The following SHISA6 variants were observed in gnomAD, a reference collection of about 807,000 sequenced individuals.
SHISA6 encodes the protein shisa family member 6.
A neutral mutation model predicts 47.9 loss-of-function variants in SHISA6; 22 were observed. The observed-to-expected ratio is 0.46, with a 90% CI of 0.33 to 0.66. SHISA6 has a LOEUF of 0.66. Among genes scored for constraint, SHISA6 ranks in the 30% least tolerant of loss-of-function variants. The pLI is 0.02. For synonymous variants in SHISA6, 388 were observed against 337.8 expected (o/e 1.15, Z -1.63); for missense variants, 680 against 764.6 (o/e 0.89, Z 1.30).
intron 3 of SHISA6, among the ~76,000 whole-genome samples, chr17:11,496,696 G>A (rs897639825): frequency 7.3e-5 from 11 of 150,196 alleles, no homozygotes; most frequent in South Asian, 2.1e-4. Context: ...CCAAGATCGC[G>A]CCACTGCAAT....
chr17:11,310,679 A>G (rs1910293259), intron 2 of SHISA6, among the ~76,000 whole-genome samples: 1 of 152,184 alleles, frequency 6.6e-6, no homozygotes, highest in African/African-American at 2.4e-5. Flanking sequence ...TATGCTTTAA[A>G]AAGATCACCT....
At chr17:11,532,589 G>A (rs1002314549) in intron 3 of SHISA6, among the ~76,000 whole-genome samples, 4 of 152,148 alleles carry the variant, frequency 2.6e-5, no homozygotes, top group East Asian at 1.9e-4. Flanking sequence ...TCCAGTGAGC[G>A]TTTCAGTTTA....
rs115473005 is a variant in SHISA6 at position 11,556,449 on chromosome 17, A to G, written c.1105+557A>G. ...GAGTCTGGGGAGACTCTGGGCATCA[A>G]TGGGTTAAAGATACAAAAATGTCAA... On this transcript the variant is annotated intron_variant, in intron 5 of 5. Transcript: ENST00000441885. Among the ~76,000 whole-genome samples the G allele has an allele frequency of 2.8e-3, 425 of 152,266 alleles. 1 individual carries two copies. The highest frequency in any genetic ancestry group is 9.9e-3 in the African/African-American group (411 of 41,546).
At chr17:11,308,955 C>T (rs1262969001) in intron 2 of SHISA6, among the ~76,000 whole-genome samples, 2 of 152,150 alleles carry the variant, frequency 1.3e-5, no homozygotes, top group African/African-American at 4.8e-5. Flanking sequence ...GAGCACGAAT[C>T]ATCCACGTGG....
intron 2 of SHISA6, among the ~76,000 whole-genome samples, chr17:11,334,456 A>G (rs1567576143): frequency 6.6e-6 from 1 of 152,198 alleles, no homozygotes; most frequent in Non-Finnish European, 1.5e-5. Context: ...GCCATCTCTC[A>G]TGAACTTGGG....
At chr17:11,396,783 C>T (rs1277734515) in intron 3 of SHISA6, among the ~76,000 whole-genome samples, 19 of 152,104 alleles carry the variant, frequency 1.2e-4, no homozygotes, top group Admixed American at 1.2e-3. Flanking sequence ...AGGACAAATA[C>T]CTAATGCATG....
intron 3 of SHISA6, among the ~76,000 whole-genome samples, chr17:11,431,350 A>T (rs2142289905): frequency 6.6e-6 from 1 of 152,172 alleles, no homozygotes; most frequent in African/African-American, 2.4e-5. Flanking sequence ...GCTGCCCTTT[A>T]TGGCTCTGTC....
intron 2 of SHISA6, among the ~76,000 whole-genome samples, chr17:11,370,986 G>T (rs1355734486): frequency 2.0e-5 from 3 of 152,162 alleles, no homozygotes; most frequent in Non-Finnish European, 4.4e-5. Context: ...TCTTTGGGGT[G>T]CCCAGAGTAT....
chr17:11,304,406 G>A (rs909305651), intron 2 of SHISA6, among the ~76,000 whole-genome samples: 4 of 152,142 alleles, frequency 2.6e-5, no homozygotes, highest in African/African-American at 9.7e-5. Flanking sequence ...GTCAAAAGAT[G>A]ACGGCCCCTG....
At chr17:11,244,603 T>A (rs1013465596) in intron 1 of SHISA6, among the ~76,000 whole-genome samples, 1 of 152,044 alleles carries the variant, frequency 6.6e-6, no homozygotes, top group Non-Finnish European at 1.5e-5. Context: ...TAGACTGTCT[T>A]GTTGGGCAAT....
At chr17:11,506,570 C>A (rs1278270443) in intron 3 of SHISA6, among the ~76,000 whole-genome samples, 2 of 152,144 alleles carry the variant, frequency 1.3e-5, no homozygotes, top group African/African-American at 4.8e-5. Context: ...TGTGTGTTGA[C>A]CCACGCTATT....
rs775786451 is a variant in SHISA6, at chr17:11,262,297, G to T, written c.639-1069G>T. Among the ~76,000 whole-genome samples the T allele has an allele frequency of 8.1e-4, 124 of 152,304 alleles. 1 individual carries two copies. Among genetic ancestry groups the T allele is most frequent in the Non-Finnish European group, 1.1e-3 (76 of 68,024 alleles). On this transcript the variant is annotated intron_variant, in intron 1 of 5. Coordinates refer to ENST00000441885, the MANE Select transcript of SHISA6 (RefSeq NM_207386.4). ...TAAGAGGGAAGCCTTGGGGTGGGCA[G>T]GGCCCCACCCATCAGAGACACCCCT...
intron 3 of SHISA6, among the ~76,000 whole-genome samples, chr17:11,406,343 C>T (rs925761220): frequency 1.3e-5 from 2 of 152,230 alleles, no homozygotes; most frequent in Non-Finnish European, 2.9e-5. Flanking sequence ...TTCAAGTCAT[C>T]TGTACCTCTG....
At chr17:11,541,288 C>T (rs1016642327) in intron 3 of SHISA6, among the ~76,000 whole-genome samples, 5 of 152,134 alleles carry the variant, frequency 3.3e-5, no homozygotes, top group African/African-American at 1.2e-4. Context: ...TGAGCCACAT[C>T]CACACAACCC....
chr17:11,264,560 G>T (rs949021293), intron 2 of SHISA6, among the ~76,000 whole-genome samples: 1 of 152,190 alleles, frequency 6.6e-6, no homozygotes, highest in African/African-American at 2.4e-5. Context: ...CCTCTTACTG[G>T]TACTAATCCT....
chr17:11,464,904 T>C lies in SHISA6; in HGVS notation c.895+85395T>C, dbSNP rs1001177811. 4.0e-5 allele frequency among the ~76,000 whole-genome samples: 6 copies of C among 150,528 alleles called. No individual in the cohort carries two copies. In the East Asian group the frequency reaches 9.8e-4, roughly 25 times the overall value. On this transcript the variant is annotated intron_variant, in intron 3 of 5. Coordinates refer to ENST00000441885, the MANE Select transcript of SHISA6 (RefSeq NM_207386.4). ...TTGCAGTGAGCCAAGATCATGCCATTGCACTCCAGCCTGGGTGACAAGAGC... is the reference window on the plus strand; with the variant it reads ...TTGCAGTGAGCCAAGATCATGCCATCGCACTCCAGCCTGGGTGACAAGAGC...
At position 11,422,629 on chromosome 17, in the gene SHISA6, G is replaced by A. The variant is rs563526714; in HGVS notation, c.895+43120G>A. Among the ~76,000 whole-genome samples the A allele has an allele frequency of 1.1e-4, 17 of 152,226 alleles. No homozygotes were observed. The South Asian group carries it at 3.3e-3, about 30-fold the overall frequency. On this transcript the variant is annotated intron_variant, in intron 3 of 5. Transcript: ENST00000441885. ...ATACAAAAATTAGTAGGGCGTGGTG[G>A]TGCACGCCTGTAGTCCCAGCTACGC... is the stretch of plus-strand genomic sequence containing the variant.
At chr17:11,256,102 A>C (rs1178478763) in intron 1 of SHISA6, among the ~76,000 whole-genome samples, 1 of 152,220 alleles carries the variant, frequency 6.6e-6, no homozygotes, top group African/African-American at 2.4e-5. Flanking sequence ...ATTCCAACTT[A>C]GGCTTTCTGG....
intron 4 of SHISA6, among the ~76,000 whole-genome samples, chr17:11,552,553 T>A (rs2071940533): frequency 6.6e-6 from 1 of 152,208 alleles, no homozygotes. Context: ...TGCTCAAGAC[T>A]TGATAGAACA....
Sources: allele counts gnomAD v4.1 joint callset (sites outside exome capture counted in the v4.1 genomes callset), GRCh38; gene constraint gnomAD v4.1.1; transcripts MANE v1.5; gene names NCBI Gene and HGNC (gene_info 2026-07-23, HGNC 2026-07-21).